The following GPC6 variants were observed in gnomAD, a reference collection of about 807,000 sequenced individuals.
The protein encoded by GPC6 is glypican-6.
GPC6 carries 14 observed loss-of-function variants against 55.2 expected under a neutral mutation model. The ratio of observed to expected loss-of-function variants is 0.25; its 90% CI spans 0.17 to 0.40. The LOEUF (loss-of-function observed/expected upper bound fraction) is 0.40. GPC6 is among the 10% of genes least tolerant of loss of function. The pLI, the probability that GPC6 is intolerant of heterozygous loss-of-function variation, is 1.00. For missense variants in GPC6, 641 were observed against 708.5 expected (o/e 0.90, Z 1.08); for synonymous variants, 278 against 259.6 (o/e 1.07, Z -0.68).
At chr13:93,955,005 G>C (rs998411093) in intron 3 of GPC6, among the ~76,000 whole-genome samples, 21 of 151,946 alleles carry the variant, frequency 1.4e-4, no homozygotes, top group African/African-American at 4.8e-4. Flanking sequence ...AGTGACATCT[G>C]CCCACTTTTG....
chr13:93,257,402 G>A (rs1005473276), intron 1 of GPC6, among the ~76,000 whole-genome samples: 3 of 152,060 alleles, frequency 2.0e-5, no homozygotes, highest in Admixed American at 6.5e-5. Flanking sequence ...CTTTTCTCTC[G>A]TTATAGCAAA....
intron 3 of GPC6, among the ~76,000 whole-genome samples, chr13:93,947,869 A>G (rs1474516581): frequency 1.3e-5 from 2 of 152,192 alleles, no homozygotes; most frequent in African/African-American, 4.8e-5. Context: ...TTCAGCAGAA[A>G]ATATAGTCTG....
At chr13:93,507,976 G>T (rs1376470251) in intron 1 of GPC6, among the ~76,000 whole-genome samples, 1 of 152,152 alleles carries the variant, frequency 6.6e-6, no homozygotes, top group Non-Finnish European at 1.5e-5. Context: ...CAACAAATAT[G>T]CATTGAGTGG....
intron 4 of GPC6, among the ~76,000 whole-genome samples, chr13:94,210,953 C>A (rs184382921): frequency 6.6e-6 from 1 of 152,072 alleles, no homozygotes; most frequent in Non-Finnish European, 1.5e-5. Flanking sequence ...AATCAGAAAC[C>A]GTCGCAGTTA....
At chr13:93,471,499 C>T (rs186292863) in intron 1 of GPC6, among the ~76,000 whole-genome samples, 8 of 152,020 alleles carry the variant, frequency 5.3e-5, no homozygotes, top group Admixed American at 2.6e-4. Context: ...CCACGCTGGG[C>T]GACAGAGCGA....
intron 1 of GPC6, among the ~76,000 whole-genome samples, chr13:93,349,153 G>T (rs776630051): frequency 2.6e-5 from 4 of 152,142 alleles, no homozygotes; most frequent in Non-Finnish European, 5.9e-5. Flanking sequence ...TATCTAATGT[G>T]CACTGATAAC....
intron 4 of GPC6, among the ~76,000 whole-genome samples, chr13:94,070,445 T>C (rs948768825): frequency 5.3e-5 from 8 of 152,210 alleles, no homozygotes; most frequent in Admixed American, 5.2e-4. Flanking sequence ...TGTTTTTTGC[T>C]GCTTAAAAAT....
rs72485608 is a variant in GPC6 at position 93,418,668 on chromosome 13, G to A, written c.161-126595G>A. Among the ~76,000 whole-genome samples the A allele has an allele frequency of 1.0e-3, 152 of 150,534 alleles. 3 individuals carry two copies. The highest frequency in any genetic ancestry group is 2.2e-3 in the East Asian group (11 of 5,010). ...ATCATTTTATTAATAGCGCTATACCGTAGTATTTTATTAATAGTGCTATAC... is the reference window on the plus strand; with the variant it reads ...ATCATTTTATTAATAGCGCTATACCATAGTATTTTATTAATAGTGCTATAC... On this transcript the variant is annotated intron_variant, in intron 1 of 8. Coordinates refer to ENST00000377047, the MANE Select transcript of GPC6 (RefSeq NM_005708.5).
chr13:93,672,802 T>C (rs1881427295), intron 2 of GPC6, among the ~76,000 whole-genome samples: 1 of 151,974 alleles, frequency 6.6e-6, no homozygotes, highest in African/African-American at 2.4e-5. Flanking sequence ...TCAGTTATTG[T>C]ATTTGACTAA....
chr13:93,543,032 A>G (rs982950535), intron 1 of GPC6, among the ~76,000 whole-genome samples: 15 of 152,132 alleles, frequency 9.9e-5, no homozygotes, highest in East Asian at 9.6e-4. Flanking sequence ...CTGCTGCCTG[A>G]TCACCGTGGC....
At chr13:94,183,529 A>G (rs1303892643) in intron 4 of GPC6, among the ~76,000 whole-genome samples, 1 of 152,188 alleles carries the variant, frequency 6.6e-6, no homozygotes, top group Non-Finnish European at 1.5e-5. Flanking sequence ...GAACATTGGT[A>G]TACAAGTATC....
chr13:93,387,263 C>T (rs750701759), intron 1 of GPC6, among the ~76,000 whole-genome samples: 1 of 151,906 alleles, frequency 6.6e-6, no homozygotes, highest in Non-Finnish European at 1.5e-5. Context: ...AGCTATCAAC[C>T]CGTCATCCAG....
At chr13:94,129,687 T>G (rs1886943868) in intron 4 of GPC6, among the ~76,000 whole-genome samples, 1 of 152,116 alleles carries the variant, frequency 6.6e-6, no homozygotes, top group African/African-American at 2.4e-5. Context: ...TCAACTCTTC[T>G]GTCCCCTGTG....
At chr13:93,595,874 G>A (rs1251362799) in intron 2 of GPC6, among the ~76,000 whole-genome samples, 1 of 152,130 alleles carries the variant, frequency 6.6e-6, no homozygotes, top group African/African-American at 2.4e-5. Context: ...TGTTCCAATG[G>A]ATGACCGTAC....
At chr13:93,990,160 A>G (rs1232796523) in intron 3 of GPC6, among the ~76,000 whole-genome samples, 1 of 152,018 alleles carries the variant, frequency 6.6e-6, no homozygotes, top group African/African-American at 2.4e-5. Context: ...TGCTCAAATG[A>G]ATTCTAGCAC....
chr13:93,286,191 G>A (rs952145388), intron 1 of GPC6, among the ~76,000 whole-genome samples: 4 of 152,120 alleles, frequency 2.6e-5, no homozygotes, highest in African/African-American at 9.7e-5. Flanking sequence ...GCAGGAGAGA[G>A]AATGAGTGCC....
intron 4 of GPC6, among the ~76,000 whole-genome samples, chr13:94,204,742 C>G (rs1055475433): frequency 6.6e-6 from 1 of 152,170 alleles, no homozygotes; most frequent in African/African-American, 2.4e-5. Flanking sequence ...TTTTAAAATT[C>G]TGTCACTAGA....
intron 4 of GPC6, among the ~76,000 whole-genome samples, chr13:94,050,376 G>T (rs567216325): frequency 6.6e-6 from 1 of 152,282 alleles, no homozygotes; most frequent in Non-Finnish European, 1.5e-5. Context: ...TTGTGAGAGC[G>T]TGGGTGTGTT....
chr13:94,153,083 A>G, intron 4 of GPC6, among the ~76,000 whole-genome samples: 1 of 152,192 alleles, frequency 6.6e-6, no homozygotes, highest in East Asian at 1.9e-4. Context: ...CATTACTGGA[A>G]TAAGTGTTGA....
Sources: allele counts gnomAD v4.1 joint callset (sites outside exome capture counted in the v4.1 genomes callset), GRCh38; gene constraint gnomAD v4.1.1; transcripts MANE v1.5; gene names NCBI Gene and HGNC (gene_info 2026-07-23, HGNC 2026-07-21).